The following RBFOX1 variants were observed in gnomAD, a reference collection of about 807,000 sequenced individuals.
RBFOX1 encodes the protein RNA binding fox-1 homolog 1, also known as RNA binding protein fox-1 homolog 1.
A neutral mutation model predicts 57.7 loss-of-function variants in RBFOX1; 8 were observed. The ratio of observed to expected loss-of-function variants is 0.14; its 90% CI spans 0.08 to 0.25. The LOEUF (loss-of-function observed/expected upper bound fraction) is 0.25. Among genes scored for constraint, RBFOX1 ranks in the 10% least tolerant of loss-of-function variants. RBFOX1 has a pLI of 1.00. For synonymous variants in RBFOX1, 326 were observed against 222.4 expected (o/e 1.47, Z -4.15); for missense variants, 611 against 548.5 (o/e 1.11, Z -1.14).
chr16:5,875,681 A>G (rs1024472001), intron 4 of RBFOX1, among the ~76,000 whole-genome samples: 9 of 152,188 alleles, frequency 5.9e-5, no homozygotes, highest in African/African-American at 1.7e-4. Context: ...GTCTGAACCC[A>G]CATGGAAGCA....
At chr16:6,838,008 C>T (rs1225579846) in intron 3 of RBFOX1, among the ~76,000 whole-genome samples, 2 of 148,452 alleles carry the variant, frequency 1.3e-5, no homozygotes, top group African/African-American at 2.5e-5. Flanking sequence ...GTTACCACCC[C>T]TTTTTTTTTT....
intron 3 of RBFOX1, among the ~76,000 whole-genome samples, chr16:5,632,940 C>CTTTTTTT (rs71142634): frequency 8.0e-5 from 10 of 125,598 alleles, no homozygotes; most frequent in Non-Finnish European, 1.1e-4. Context: ...TTAACAACTC[C>CTTTTTTT]TTTTTTTTTT....
intron 3 of RBFOX1, among the ~76,000 whole-genome samples, chr16:6,670,338 G>T (rs1388672053): frequency 2.0e-5 from 3 of 152,042 alleles, no homozygotes; most frequent in Non-Finnish European, 4.4e-5. Flanking sequence ...CCAAAATGCT[G>T]GGATTACAGG....
chr16:6,635,190 A>C (rs533915527), intron 2 of RBFOX1, among the ~76,000 whole-genome samples: 1 of 148,652 alleles, frequency 6.7e-6, no homozygotes, highest in East Asian at 1.9e-4. Flanking sequence ...AATATATATT[A>C]CATAATATGT....
chr16:7,208,326 G>A (rs886487604), intron 4 of RBFOX1, among the ~76,000 whole-genome samples: 6 of 152,186 alleles, frequency 3.9e-5, no homozygotes, highest in African/African-American at 9.7e-5. Flanking sequence ...GTTTCAGTAA[G>A]GGAGTAGCTA....
Position 5,240,027 on chromosome 16 carries a change from G to A in RBFOX1, c.141G>A (p.Glu47=), listed in dbSNP as rs909198853. 1.2e-4 allele frequency: 179 copies of A among 1,530,954 alleles called. 1 individual carries two copies. The highest frequency in any genetic ancestry group is 1.5e-4 in the Non-Finnish European group (171 of 1,145,584). The allele number at this position is 1,530,954 out of a possible 1,614,324, so 94.8% of individuals were successfully genotyped here. Residue 47 remains glutamate (E), a synonymous_variant, in exon 1 of 3, where the codon GAG becomes GAA. Transcript: ENST00000585867. Reference sequence around the variant, plus strand: ...TGGAGGGGGGAAGCGCACAGCCCGAGGACTGCGAGGACGGGAAGGACGCGC... The same window carrying A: ...TGGAGGGGGGAAGCGCACAGCCCGAAGACTGCGAGGACGGGAAGGACGCGC...
At chr16:7,511,926 AC>A (rs2075204837) in intron 4 of RBFOX1, among the ~76,000 whole-genome samples, 1 of 152,184 alleles carries the variant, frequency 6.6e-6, no homozygotes, top group Admixed American at 6.5e-5. Flanking sequence ...TTGAGCAACA[AC>A]TCAAGAAAGT....
At chr16:6,882,926 G>C (rs1232230167) in intron 3 of RBFOX1, among the ~76,000 whole-genome samples, 1 of 152,104 alleles carries the variant, frequency 6.6e-6, no homozygotes, top group East Asian at 1.9e-4. Context: ...AATTGAATCA[G>C]GATGTCTTAG....
chr16:5,678,209 G>T (rs1325234091), intron 3 of RBFOX1, among the ~76,000 whole-genome samples: 1 of 152,202 alleles, frequency 6.6e-6, no homozygotes, highest in East Asian at 1.9e-4. Flanking sequence ...GCCCACAGAT[G>T]CAGGGAGAGT....
rs969850299 is a variant in RBFOX1, at chr16:6,988,703, T to C, written c.-15-63354T>C. On this transcript the variant is annotated intron_variant, in intron 3 of 15. Coordinates refer to ENST00000550418, the MANE Select transcript of RBFOX1 (RefSeq NM_018723.4). ...CCTTAGCCTCCTGAGCAGCTGGGAT[T>C]ACAGGTGTGTGACATCACACCCAGC... Among the ~76,000 whole-genome samples, 5 of 151,320 alleles carry C rather than the reference T, an allele frequency of 3.3e-5. No individual in the cohort carries two copies. The South Asian group carries it at 1.0e-3, about 32-fold the overall frequency.
chr16:6,812,367 A>G (rs888608600), intron 3 of RBFOX1, among the ~76,000 whole-genome samples: 1 of 151,816 alleles, frequency 6.6e-6, no homozygotes, highest in African/African-American at 2.4e-5. Context: ...GTTTTGGTTC[A>G]GTTTCTTATT....
Position 5,613,367 on chromosome 16 carries a change from T to C in RBFOX1, c.318+14406T>C, listed in dbSNP as rs142673549. On this transcript the variant is annotated intron_variant, in intron 3 of 19. Coordinates refer to the RBFOX1 transcript ENST00000641259. ...TTGACAGAGGGAGGGTAAGTAGACATATTTCTGTACGTGGGTGCAACGTTA... is the reference window on the plus strand; with the variant it reads ...TTGACAGAGGGAGGGTAAGTAGACACATTTCTGTACGTGGGTGCAACGTTA... Among the ~76,000 whole-genome samples, 1,233 of 152,212 alleles carry C rather than the reference T, an allele frequency of 8.1e-3. 27 individuals are homozygous for C. The highest frequency in any genetic ancestry group is 0.028 in the African/African-American group (1,156 of 41,520).
At chr16:6,423,076 T>A (rs2093821251) in intron 2 of RBFOX1, among the ~76,000 whole-genome samples, 1 of 152,212 alleles carries the variant, frequency 6.6e-6, no homozygotes, top group South Asian at 2.1e-4. Context: ...GCAGCTAGGT[T>A]GATTCCATGT....
intron 3 of RBFOX1, among the ~76,000 whole-genome samples, chr16:6,902,970 TAAAC>T (rs377145026): frequency 9.9e-4 from 150 of 152,254 alleles, no homozygotes; most frequent in African/African-American, 3.5e-3. Flanking sequence ...AAGATGGACA[TAAAC>T]AAAATAGTTA....
chr16:6,879,417 A>C (rs1356269016), intron 3 of RBFOX1, among the ~76,000 whole-genome samples: 1 of 152,350 alleles, frequency 6.6e-6, no homozygotes, highest in Middle Eastern at 3.4e-3. Flanking sequence ...TGTAATTATT[A>C]GAATTTTCCC....
intron 1 of RBFOX1, among the ~76,000 whole-genome samples, chr16:5,363,878 G>C (rs566046333): frequency 1.3e-4 from 20 of 152,136 alleles, no homozygotes; most frequent in Admixed American, 2.6e-4. Context: ...TTTCTGCCTA[G>C]GCGTTTGCCC....
chr16:6,214,564 G>A (rs2097319940), intron 1 of RBFOX1, among the ~76,000 whole-genome samples: 1 of 125,624 alleles, frequency 8.0e-6, no homozygotes, highest in Non-Finnish European at 1.7e-5. Flanking sequence ...GGGGGAGAGG[G>A]AGGGGGGAGA....
intron 3 of RBFOX1, among the ~76,000 whole-genome samples, chr16:7,029,603 C>T (rs2042273711): frequency 6.6e-6 from 1 of 152,050 alleles, no homozygotes; most frequent in Admixed American, 6.5e-5. Context: ...CATTAAGTAT[C>T]ATTGACAATT....
At chr16:5,855,498 G>A (rs964185891) in intron 3 of RBFOX1, among the ~76,000 whole-genome samples, 2 of 152,148 alleles carry the variant, frequency 1.3e-5, no homozygotes, top group African/African-American at 4.8e-5. Context: ...CACATTGTGT[G>A]TTCTTGGCAT....
Sources: gnomAD v4.1 joint callset for allele counts (sites outside exome capture counted in the v4.1 genomes callset) on GRCh38, gnomAD v4.1.1 for gene constraint, MANE v1.5 for transcripts, NCBI Gene and HGNC (gene_info 2026-07-23, HGNC 2026-07-21) for gene names.